TRIML1: variants seen among roughly 807,000 people sequenced by gnomAD.
The protein encoded by TRIML1 is tripartite motif family like 1, also known as probable E3 ubiquitin-protein ligase TRIML1.
TRIML1 carries 34 observed loss-of-function variants against 32.3 expected under a neutral mutation model. The observed-to-expected ratio is 1.05, with a 90% CI of 0.80 to 1.40. The LOEUF is 1.40. Ranked by LOEUF, TRIML1 falls within the 40% of genes most tolerant of loss-of-function variation. The pLI is 0.00. For synonymous variants in TRIML1, 244 were observed against 226.6 expected (o/e 1.08, Z -0.69); for missense variants, 595 against 574.9 (o/e 1.03, Z -0.36).
chr4:188,149,822 G>C (rs1470507939), downstream of TRIML1, among the ~76,000 whole-genome samples: 1 of 152,054 alleles, frequency 6.6e-6, no homozygotes, highest in Admixed American at 6.6e-5. Flanking sequence ...TTATTTATTT[G>C]AGATGGAGTC....
At chr4:188,145,777 T>C (rs1413810664) in intron 5 of TRIML1, among the ~76,000 whole-genome samples, 1 of 152,112 alleles carries the variant, frequency 6.6e-6, no homozygotes, top group Admixed American at 6.6e-5. Flanking sequence ...GATCGCGTCA[T>C]TGCAGTCCAG....
At chr4:188,144,423 C>T (rs1170526134) in intron 5 of TRIML1, among the ~76,000 whole-genome samples, 29 of 147,776 alleles carry the variant, frequency 2.0e-4, no homozygotes, top group Non-Finnish European at 3.6e-4. Flanking sequence ...AGCGCAGGGG[C>T]GCGATCTCGG....
At chr4:188,141,120 T>A in intron 2 of TRIML1, among the ~76,000 whole-genome samples, 1 of 151,864 alleles carries the variant, frequency 6.6e-6, no homozygotes, top group East Asian at 1.9e-4. Context: ...AATTATATAT[T>A]TTTTAAAACC....
chr4:188,140,003 C>T lies in TRIML1; in HGVS notation c.408+37C>T, dbSNP rs374929774. The T allele has an allele frequency of 2.4e-5, 37 of 1,548,312 alleles. No homozygotes were observed. The African/African-American group carries it at 4.2e-4, about 18-fold the overall frequency. On this transcript the variant is annotated intron_variant, in intron 1 of 5. Coordinates refer to ENST00000332517, the MANE Select transcript of TRIML1 (RefSeq NM_178556.5). ...GCTCAGCATGAACCCCACGACTCAT[C>T]GCAGCTAACTCCGTTAGCTTTCCTG...
chr4:188,143,246 G>C (rs1393334213), intron 3 of TRIML1: 2 of 152,444 alleles, frequency 1.3e-5, no homozygotes, highest in African/African-American at 4.9e-5. Flanking sequence ...AGTAGAGACG[G>C]GGTTTCACAA....
upstream of TRIML1, among the ~76,000 whole-genome samples, chr4:188,137,869 T>C (rs2111220265): frequency 6.7e-6 from 1 of 149,576 alleles, no homozygotes; most frequent in East Asian, 2.0e-4. Flanking sequence ...CACCTCGGCC[T>C]CCCAAACTGC....
chr4:188,148,252 G>T (rs1030976912), downstream of TRIML1, among the ~76,000 whole-genome samples: 11 of 152,190 alleles, frequency 7.2e-5, no homozygotes, highest in Non-Finnish European at 1.3e-4. Flanking sequence ...CCAGCACTTT[G>T]GGAGGCCGAG....
chr4:188,141,261 G>T (rs368066778), intron 2 of TRIML1, among the ~76,000 whole-genome samples: 2 of 145,110 alleles, frequency 1.4e-5, no homozygotes, highest in Non-Finnish European at 3.0e-5. Flanking sequence ...TCCACCTCCC[G>T]GGTTCAAGTG....
upstream of TRIML1, chr4:188,139,390 AC>A (rs765761738): frequency 1.4e-5 from 9 of 636,892 alleles, no homozygotes; most frequent in Non-Finnish European, 2.1e-5. Flanking sequence ...TTTGTGTTGG[AC>A]AGTGTATGTC....
Position 188,142,494 on chromosome 4 carries a change from A to G in TRIML1, c.735+12A>G, listed in dbSNP as rs78082410. 3.3e-3 allele frequency: 5,313 copies of G among 1,598,904 alleles called. 199 individuals carry two copies. The East Asian group carries it at 0.08, about 24-fold the overall frequency. On this transcript the variant is annotated intron_variant, in intron 3 of 5. Coordinates refer to ENST00000332517, the MANE Select transcript of TRIML1 (RefSeq NM_178556.5). ...TCGAATCTCTTGAGGTGAGAATAAC[A>G]TTCATGAGAGTAATGGGAAAAATTA...
downstream of TRIML1, among the ~76,000 whole-genome samples, chr4:188,150,752 G>C (rs915925715): frequency 3.3e-5 from 5 of 151,332 alleles, no homozygotes; most frequent in Non-Finnish European, 7.4e-5. Context: ...TGTACACAGG[G>C]CCTGCCACTG....
intron 1 of TRIML1, among the ~76,000 whole-genome samples, chr4:188,140,283 G>C (rs1175436938): frequency 6.6e-6 from 1 of 152,016 alleles, no homozygotes; most frequent in Non-Finnish European, 1.5e-5. Flanking sequence ...ACCACGCCCG[G>C]CTAATTTTTT....
At chr4:188,138,765 T>C (rs1035282221), upstream of TRIML1, among the ~76,000 whole-genome samples, 1 of 74,246 alleles carries the variant, frequency 1.3e-5, no homozygotes, top group Non-Finnish European at 4.1e-5. Context: ...ATCTGCTCCA[T>C]AGTGGGATAG....
chr4:188,143,958 G>A (rs1560972409), intron 4 of TRIML1, 78 bp from the exon 5 acceptor site: 7 of 1,604,350 alleles, frequency 4.4e-6, no homozygotes, highest in Non-Finnish European at 6.0e-6. Context: ...GTTGCTGGGG[G>A]AGAAATGAGG....
intron 2 of TRIML1, 135 bp downstream of exon 2, chr4:188,140,758 T>C: frequency 1.5e-6 from 1 of 652,820 alleles, no homozygotes; most frequent in Non-Finnish European, 2.7e-6. Context: ...TTTCCTTGCA[T>C]TGGGCTGCCT....
upstream of TRIML1, among the ~76,000 whole-genome samples, chr4:188,137,984 G>A (rs1734714738): frequency 6.8e-6 from 1 of 147,860 alleles, no homozygotes; most frequent in South Asian, 2.1e-4. Flanking sequence ...GCTGTGACAA[G>A]TTAGTATCCT....
intron 3 of TRIML1, 94 bp from the exon 4 acceptor site, chr4:188,143,744 T>C (rs1734949976): frequency 6.7e-7 from 1 of 1,485,074 alleles, no homozygotes; most frequent in South Asian, 1.1e-5. Context: ...GGGAAGCAGA[T>C]TCTGTGAGCT....
At chr4:188,143,749 T>C in intron 3 of TRIML1, 89 bp from the exon 4 acceptor site, 1 of 1,509,434 alleles carries the variant, frequency 6.6e-7, no homozygotes, top group Non-Finnish European at 9.2e-7. Flanking sequence ...GCAGATTCTG[T>C]GAGCTTTGCA....
In TRIML1 at chr4:188,140,036, CT is replaced by C. The variant is rs1460588709; in HGVS notation, c.408+71del. On this transcript the variant is annotated intron_variant, in intron 1 of 5. Transcript: ENST00000332517. ...ACTCCGTTAGCTTTCCTGACGTTTC[CT>C]AACGTCCTCTGTGGGGGACAGTCAC... is the stretch of plus-strand genomic sequence containing the variant. 18 of 1,482,538 alleles carry C rather than the reference CT, an allele frequency of 1.2e-5. No individual in the cohort carries two copies. In the East Asian group the frequency reaches 3.4e-4, roughly 28 times the overall value. The allele number at this position is 1,482,538 out of a possible 1,614,324, so 91.8% of individuals were successfully genotyped here. A position where few individuals can be genotyped will look rare whatever the true frequency, so the allele number is the denominator to read the frequency against.
Sources: allele counts gnomAD v4.1 joint callset (sites outside exome capture counted in the v4.1 genomes callset), GRCh38; gene constraint gnomAD v4.1.1; transcripts MANE v1.5; gene names NCBI Gene and HGNC (gene_info 2026-07-23, HGNC 2026-07-21).